Variants in CDH13 observed in about 807,000 individuals in gnomAD.
CDH13 encodes cadherin 13, also known as cadherin-13.
In CDH13, 24 loss-of-function variants were observed where a neutral mutation model predicts 63.8. The ratio of observed to expected loss-of-function variants is 0.38; its 90% confidence interval spans 0.27 to 0.53. CDH13 has a LOEUF of 0.53. Ranked by LOEUF, CDH13 falls within the 20% of genes least tolerant of loss-of-function variation. CDH13 has a pLI of 0.85. For missense variants in CDH13, 1,049 were observed against 903.1 expected (o/e 1.16, Z -2.07); for synonymous variants, 503 against 355.3 (o/e 1.42, Z -4.67).
chr16:83,444,036 GTGATGATGATGGGC>G (rs1200516942), intron 6 of CDH13, among the ~76,000 whole-genome samples: 2 of 150,888 alleles, frequency 1.3e-5, no homozygotes, highest in Non-Finnish European at 3.0e-5. Context: ...GATGATCATG[GTGATGATGATGGGC>G]TGATGATGAC....
intron 7 of CDH13, among the ~76,000 whole-genome samples, chr16:83,563,104 A>G (rs953545487): frequency 6.6e-6 from 1 of 152,254 alleles, no homozygotes; most frequent in African/African-American, 2.4e-5. Flanking sequence ...TGATGCGTGA[A>G]TTAATGAACA....
Position 82,788,462 on chromosome 16 carries a change from A to T in CDH13, c.46-69900A>T, listed in dbSNP as rs546344688. Among the ~76,000 whole-genome samples, 8 of 151,732 alleles carry T rather than the reference A, an allele frequency of 5.3e-5. No individual in the cohort carries two copies. The East Asian group carries it at 1.5e-3, about 29-fold the overall frequency. On this transcript the variant is annotated intron_variant, in intron 1 of 13. Coordinates refer to ENST00000567109, the MANE Select transcript of CDH13 (RefSeq NM_001257.5). Reference sequence around the variant, plus strand: ...CACATGTTGGGCATTTTCCAGCGTCACTCTCAGAAGACCCTCCCTCCATGA... The same window carrying T: ...CACATGTTGGGCATTTTCCAGCGTCTCTCTCAGAAGACCCTCCCTCCATGA...
chr16:83,048,788 C>G (rs955773067), intron 3 of CDH13, among the ~76,000 whole-genome samples: 3 of 152,048 alleles, frequency 2.0e-5, no homozygotes, highest in African/African-American at 4.8e-5. Context: ...TAAATTTTCC[C>G]TCCTCTGTGA....
At chr16:82,902,584 C>T (rs1286721577) in intron 2 of CDH13, among the ~76,000 whole-genome samples, 1 of 151,870 alleles carries the variant, frequency 6.6e-6, no homozygotes, top group Admixed American at 6.6e-5. Context: ...GCTTCTTAAC[C>T]TCCCCCACCC....
chr16:83,106,381 T>C (rs551672768), intron 3 of CDH13, among the ~76,000 whole-genome samples: 105 of 151,778 alleles, frequency 6.9e-4, no homozygotes, highest in South Asian at 6.3e-3. Flanking sequence ...CTACTAAAGA[T>C]ACAAAAAAAA....
At chr16:83,181,365 C>G (rs995736032) in intron 4 of CDH13, among the ~76,000 whole-genome samples, 2 of 152,168 alleles carry the variant, frequency 1.3e-5, no homozygotes, top group East Asian at 1.9e-4. Flanking sequence ...CACTGGACCT[C>G]CTTGCTAACA....
intron 2 of CDH13, among the ~76,000 whole-genome samples, chr16:82,950,124 C>T (rs558831901): frequency 3.5e-4 from 53 of 152,220 alleles, no homozygotes; most frequent in Non-Finnish European, 6.3e-4. Context: ...CTTCTAGAGG[C>T]TGGAAGTCTA....
intron 2 of CDH13, among the ~76,000 whole-genome samples, chr16:82,921,559 C>A (rs2042154683): frequency 6.6e-6 from 1 of 152,136 alleles, no homozygotes; most frequent in Non-Finnish European, 1.5e-5. Context: ...TTTTCCAATT[C>A]AGGTAGTATT....
At chr16:83,487,256 A>G (rs1360131311) in intron 7 of CDH13, among the ~76,000 whole-genome samples, 2 of 152,210 alleles carry the variant, frequency 1.3e-5, no homozygotes, top group Non-Finnish European at 2.9e-5. Context: ...TTTTGCCTGC[A>G]GTGTTTTACA....
chr16:83,412,967 C>G (rs889363617), intron 6 of CDH13, among the ~76,000 whole-genome samples: 2 of 152,174 alleles, frequency 1.3e-5, no homozygotes, highest in Admixed American at 6.5e-5. Context: ...TGAGAAATTA[C>G]TTATAAACCT....
intron 8 of CDH13, among the ~76,000 whole-genome samples, chr16:83,606,123 G>A (rs1037191448): frequency 6.6e-6 from 1 of 152,176 alleles, no homozygotes; most frequent in Non-Finnish European, 1.5e-5. Context: ...TTTTAGAGAT[G>A]AAAATCAAGG....
chr16:83,700,434 G>A (rs956697687), intron 10 of CDH13, among the ~76,000 whole-genome samples: 1 of 152,210 alleles, frequency 6.6e-6, no homozygotes, highest in Non-Finnish European at 1.5e-5. Context: ...ATTAAAAATA[G>A]CTATTTTTCA....
intron 1 of CDH13, among the ~76,000 whole-genome samples, chr16:82,721,059 C>G (rs1226505082): frequency 6.6e-6 from 1 of 152,158 alleles, no homozygotes; most frequent in Non-Finnish European, 1.5e-5. Context: ...GGAAGTATAA[C>G]CAGGGATGCA....
At chr16:82,805,338 C>G (rs2037088241) in intron 1 of CDH13, among the ~76,000 whole-genome samples, 1 of 152,164 alleles carries the variant, frequency 6.6e-6, no homozygotes, top group Non-Finnish European at 1.5e-5. Flanking sequence ...AACTTTTGGT[C>G]TTTCTTCTCA....
intron 6 of CDH13, among the ~76,000 whole-genome samples, chr16:83,460,785 G>A (rs930450793): frequency 2.0e-5 from 3 of 151,628 alleles, no homozygotes; most frequent in African/African-American, 7.3e-5. Flanking sequence ...CTTTAGCCTA[G>A]GATTTTGTCC....
chr16:83,172,991 G>A (rs985888814), intron 4 of CDH13, among the ~76,000 whole-genome samples: 4 of 152,220 alleles, frequency 2.6e-5, no homozygotes, highest in South Asian at 2.1e-4. Context: ...TAACGTGTCC[G>A]AAATTGCATG....
chr16:83,702,928 G>A (rs1353667434), intron 10 of CDH13, among the ~76,000 whole-genome samples: 1 of 152,224 alleles, frequency 6.6e-6, no homozygotes, highest in Non-Finnish European at 1.5e-5. Flanking sequence ...GGATGCATGT[G>A]GAGGTGGGGC....
intron 11 of CDH13, among the ~76,000 whole-genome samples, chr16:83,770,933 T>C (rs895918649): frequency 2.6e-5 from 4 of 152,182 alleles, no homozygotes; most frequent in African/African-American, 9.7e-5. Context: ...GATCTCTGCC[T>C]CATTTTACCC....
chr16:83,171,579 G>C lies in CDH13; in HGVS notation c.484-45766G>C, dbSNP rs955233867. ...ATGGCTGACATGAGATAAGTGCACAGGAAATTTTGAAATATCTGTGTCTCT... is the reference window on the plus strand; with the variant it reads ...ATGGCTGACATGAGATAAGTGCACACGAAATTTTGAAATATCTGTGTCTCT... On this transcript the variant is annotated intron_variant, in intron 4 of 13. Transcript: ENST00000567109. 9 of 1,531,210 alleles carry C rather than the reference G, an allele frequency of 5.9e-6. No homozygotes were observed. In the East Asian group the frequency reaches 7.3e-5, roughly 12 times the overall value. The allele number at this position is 1,531,210 out of a possible 1,614,324, so 94.9% of individuals were successfully genotyped here.
Sources: gnomAD v4.1 joint callset for allele counts (sites outside exome capture counted in the v4.1 genomes callset) on GRCh38, gnomAD v4.1.1 for gene constraint, MANE v1.5 for transcripts, NCBI Gene and HGNC (gene_info 2026-07-23, HGNC 2026-07-21) for gene names.